Variants in CENPO observed in about 807,000 individuals in gnomAD.
CENPO encodes the protein centromeric protein O.
In CENPO, 30 loss-of-function variants were observed where a neutral mutation model predicts 36.1. The observed-to-expected ratio is 0.83, with a 90% CI of 0.62 to 1.13. CENPO has a LOEUF of 1.13. Ranked by LOEUF, CENPO falls within the 50% of genes most tolerant of loss-of-function variation. The pLI, the probability that CENPO is intolerant of heterozygous loss-of-function variation, is 0.00. For missense variants in CENPO, 349 were observed against 357.8 expected, an observed-to-expected ratio of 0.98 and a Z score of 0.20; for synonymous variants, 171 against 142.3, an observed-to-expected ratio of 1.20 and a Z score of -1.44.
chr2:24,801,997 T>G (rs1572726069), intron 3 of CENPO, among the ~76,000 whole-genome samples: 1 of 152,214 alleles, frequency 6.6e-6, no homozygotes, highest in Non-Finnish European at 1.5e-5. Context: ...TCCTCTTTTA[T>G]TTCGTTGATT....
At chr2:24,807,857 G>A (rs528287517) in intron 3 of CENPO, among the ~76,000 whole-genome samples, 6 of 152,278 alleles carry the variant, frequency 3.9e-5, no homozygotes, top group African/African-American at 7.2e-5. Flanking sequence ...ATTTTGGATT[G>A]AATTTGCATT....
At chr2:24,808,762 G>A (rs957939751) in intron 3 of CENPO, among the ~76,000 whole-genome samples, 2 of 152,014 alleles carry the variant, frequency 1.3e-5, no homozygotes, top group African/African-American at 2.4e-5. Context: ...GCTGATATTA[G>A]TTATTAGAAC....
At chr2:24,812,370 A>G (rs1666731623) in intron 3 of CENPO, among the ~76,000 whole-genome samples, 1 of 151,686 alleles carries the variant, frequency 6.6e-6, no homozygotes, top group African/African-American at 2.4e-5. Context: ...GGTTTTTAGC[A>G]ATTTTAGATC....
Position 24,814,408 on chromosome 2 carries a change from C to G in CENPO, c.249C>G (p.Asn83Lys), listed in dbSNP as rs1394936764. The change falls in exon 4 of 8, where the codon AAC becomes AAG. Residue 83 changes from asparagine (N) to lysine (K), a missense_variant. Transcript: ENST00000380834. Reference protein sequence around the residue: ...VKACIANVEPNQTVEINEQEA... With the variant: ...VKACIANVEPKQTVEINEQEA... ...CATGTATTGCCAATGTAGAACCCAA[C>G]CAAACAGTGGAGATCAATGAGCAAG... 6.2e-7 allele frequency: 1 copy of G among 1,602,684 alleles called. No individual in the cohort carries two copies.
At chr2:24,817,445 A>C (rs939962845) in intron 6 of CENPO, among the ~76,000 whole-genome samples, 1 of 135,424 alleles carries the variant, frequency 7.4e-6, no homozygotes, top group Non-Finnish European at 1.6e-5. Context: ...TGGTCCAGTA[A>C]GGGGCAGCCT....
At chr2:24,802,012 G>C (rs1666184645) in intron 3 of CENPO, among the ~76,000 whole-genome samples, 1 of 152,084 alleles carries the variant, frequency 6.6e-6, no homozygotes, top group Non-Finnish European at 1.5e-5. Flanking sequence ...TTGATTAGTG[G>C]TTTGTAGTTC....
In CENPO at chr2:24,798,523, C is replaced by T. The variant is rs147193359; in HGVS notation, c.47-1152C>T. 4.8e-3 allele frequency among the ~76,000 whole-genome samples: 730 copies of T among 151,840 alleles called. 7 individuals carry two copies. The highest frequency in any genetic ancestry group is 0.016 in the African/African-American group (662 of 41,394). On this transcript the variant is annotated intron_variant, in intron 2 of 7. Transcript: ENST00000380834. ...TCACCTAGGCTGGAGTGCAGTGGCACGATCTTGGCTCACTGCAAGCTCCGC... is the reference window on the plus strand; with the variant it reads ...TCACCTAGGCTGGAGTGCAGTGGCATGATCTTGGCTCACTGCAAGCTCCGC...
intron 3 of CENPO, among the ~76,000 whole-genome samples, chr2:24,807,279 CTCTT>C (rs1666450634): frequency 2.2e-5 from 1 of 44,906 alleles, no homozygotes; most frequent in African/African-American, 3.9e-5. Context: ...TCCTAGTCTT[CTCTT>C]AAGTCTTCTC....
In CENPO at chr2:24,817,737, G is replaced by GC; in HGVS notation, c.837dup (p.His281AlafsTer35). On this transcript the variant is annotated frameshift_variant, in exon 7 of 8. Coordinates refer to ENST00000380834, the MANE Select transcript of CENPO (RefSeq NM_001322101.2). LOFTEE classifies it high-confidence loss of function. ...CTCATGAAACTCTGTTCTGTACGAAGCCCTTGCATCAAGTGTTTGCCTCAT... is the reference window on the plus strand; with the variant it reads ...CTCATGAAACTCTGTTCTGTACGAAGCCCCTTGCATCAAGTGTTTGCCTCAT... 1 of 1,614,238 alleles carries GC rather than the reference G, an allele frequency of 6.2e-7. No homozygotes were observed. The highest frequency in any genetic ancestry group is 8.5e-7 in the Non-Finnish European group (1 of 1,180,034).
In CENPO at chr2:24,819,911, C is replaced by T. The variant is rs1347720879; in HGVS notation, c.*593C>T. On this transcript the variant is annotated 3_prime_UTR_variant, in exon 8 of 8. Coordinates refer to ENST00000380834, the MANE Select transcript of CENPO (RefSeq NM_001322101.2). ...AATAAATTCTCCCTTCCGGTTTGGA[C>T]TGTTGCAGGCTCGAGGCCATTCAGG... is the stretch of plus-strand genomic sequence containing the variant. 6.2e-7 allele frequency: 1 copy of T among 1,609,716 alleles called. No homozygotes were observed.
chr2:24,821,465 C>T lies in CENPO; in HGVS notation c.*2147C>T, dbSNP rs369586880. On this transcript the variant is annotated 3_prime_UTR_variant, in exon 8 of 8. Coordinates refer to ENST00000380834, the MANE Select transcript of CENPO (RefSeq NM_001322101.2). ...TGTCTCTCCTGGTGGTGGGCCAGGCCCCTGCATGGGAAGGGAGCCTGCTGC... is the reference window on the plus strand; with the variant it reads ...TGTCTCTCCTGGTGGTGGGCCAGGCTCCTGCATGGGAAGGGAGCCTGCTGC... 7.0e-5 allele frequency: 112 copies of T among 1,603,062 alleles called. No individual in the cohort carries two copies. The African/African-American group carries it at 1.3e-3, about 18-fold the overall frequency.
intron 3 of CENPO, among the ~76,000 whole-genome samples, chr2:24,805,034 C>A (rs1395259334): frequency 6.6e-6 from 1 of 152,120 alleles, no homozygotes; most frequent in Non-Finnish European, 1.5e-5. Flanking sequence ...TCTTTTTATT[C>A]TTTTTTCTCT....
At chr2:24,803,683 C>T (rs1025759274) in intron 3 of CENPO, among the ~76,000 whole-genome samples, 7 of 152,046 alleles carry the variant, frequency 4.6e-5, no homozygotes, top group African/African-American at 9.7e-5. Flanking sequence ...ATTGCACTGT[C>T]GTCTGAGAGA....
rs764546093 is a variant in CENPO at position 24,816,535 on chromosome 2, T to A, written c.595-111T>A. 2.3e-5 allele frequency: 17 copies of A among 729,218 alleles called. No individual in the cohort carries two copies. Among genetic ancestry groups the A allele is most frequent in the Middle Eastern group, 8.4e-4 (2 of 2,394 alleles). The allele number at this position is 729,218 out of a possible 1,614,324, so 45.2% of individuals were successfully genotyped here. ...TTTTTCTGTCCCTCATTTATTTCTC[T>A]GAAATGTAATCGATGGGCCTCTTTT... On this transcript the variant is annotated intron_variant, in intron 5 of 7. Transcript: ENST00000380834.
intron 6 of CENPO, 122 bp from the exon 7 acceptor site, chr2:24,817,533 CTGCACTGAGTGAGAT>C: frequency 8.9e-7 from 1 of 1,124,832 alleles, no homozygotes; most frequent in Non-Finnish European, 1.3e-6. Context: ...ATTCCCCCAG[CTGCACTGAGTGAGAT>C]TGAATGTCAG....
intron 2 of CENPO, among the ~76,000 whole-genome samples, chr2:24,796,388 G>A (rs988990998): frequency 6.6e-6 from 1 of 152,166 alleles, no homozygotes; most frequent in Non-Finnish European, 1.5e-5. Context: ...TGTTTACCAT[G>A]TGTAAACACT....
intron 3 of CENPO, among the ~76,000 whole-genome samples, chr2:24,801,257 T>A (rs1666153621): frequency 6.6e-6 from 1 of 152,162 alleles, no homozygotes. Context: ...ATTGGAAAAA[T>A]TTTCTCCCAT....
chr2:24,796,218 G>C (rs751571018), intron 2 of CENPO, among the ~76,000 whole-genome samples: 3 of 152,090 alleles, frequency 2.0e-5, no homozygotes, highest in African/African-American at 2.4e-5. Context: ...GCCGGGCATC[G>C]TGGTGCATGC....
chr2:24,810,897 A>G (rs1666645644), intron 3 of CENPO, among the ~76,000 whole-genome samples: 1 of 152,076 alleles, frequency 6.6e-6, no homozygotes, highest in South Asian at 2.1e-4. Context: ...ATAGAGCTAG[A>G]TATTTTTAAT....
Sources: gnomAD v4.1 joint callset for allele counts (sites outside exome capture counted in the v4.1 genomes callset) on GRCh38, gnomAD v4.1.1 for gene constraint, MANE v1.5 for transcripts, NCBI Gene and HGNC (gene_info 2026-07-23, HGNC 2026-07-21) for gene names.